The following LIMCH1 variants were observed in gnomAD, a reference collection of about 807,000 sequenced individuals.
LIMCH1 encodes the protein LIM and calponin homology domains-containing protein 1.
A neutral mutation model predicts 176.5 loss-of-function variants in LIMCH1; 113 were observed. The observed-to-expected ratio is 0.64, with a 90% CI of 0.55 to 0.75. The LOEUF (loss-of-function observed/expected upper bound fraction) is 0.75. LIMCH1 is among the 30% of genes least tolerant of loss of function. The pLI is 0.00. For missense variants in LIMCH1, 1,674 were observed against 1,814.9 expected (o/e 0.92, Z 1.41); for synonymous variants, 619 against 645.9 (o/e 0.96, Z 0.63).
At chr4:41,432,635 A>G (rs2061701997) in intron 1 of LIMCH1, among the ~76,000 whole-genome samples, 1 of 152,210 alleles carries the variant, frequency 6.6e-6, no homozygotes, top group Non-Finnish European at 1.5e-5. Context: ...CTTTGCCATC[A>G]ATTTTTCATT....
intron 1 of LIMCH1, among the ~76,000 whole-genome samples, chr4:41,384,849 T>C (rs2056272912): frequency 6.6e-6 from 1 of 152,016 alleles, no homozygotes; most frequent in African/African-American, 2.4e-5. Flanking sequence ...AGAAGTAGGG[T>C]TTCCCCTCAA....
Position 41,697,338 on chromosome 4 carries a change from C to A in LIMCH1, c.*153C>A. On this transcript the variant is annotated 3_prime_UTR_variant, in exon 32 of 32. Coordinates refer to ENST00000503057, the MANE Select transcript of LIMCH1 (RefSeq NM_001330672.2). Reference sequence around the variant, plus strand: ...AGGTGGTATCTGTTCTTTCGTAGCACAGTGTTTATGTTTTTCCTGTTTATT... The same window carrying A: ...AGGTGGTATCTGTTCTTTCGTAGCAAAGTGTTTATGTTTTTCCTGTTTATT... 3 of 626,218 alleles carry A rather than the reference C, an allele frequency of 4.8e-6. No individual in the cohort carries two copies. Among genetic ancestry groups the A allele is most frequent in the Non-Finnish European group, 5.7e-6 (2 of 353,488 alleles). The allele number at this position is 626,218 out of a possible 1,614,324, so 38.8% of individuals were successfully genotyped here. A position where few individuals can be genotyped will look rare whatever the true frequency, so the allele number is the denominator to read the frequency against.
intron 7 of LIMCH1, among the ~76,000 whole-genome samples, chr4:41,621,945 T>A (rs932054195): frequency 2.0e-5 from 3 of 151,960 alleles, no homozygotes; most frequent in African/African-American, 7.3e-5. Context: ...AGTGTTGAGT[T>A]ACATAAATTT....
At chr4:41,420,995 G>T (rs897139277) in intron 1 of LIMCH1, among the ~76,000 whole-genome samples, 1 of 152,212 alleles carries the variant, frequency 6.6e-6, no homozygotes, top group Non-Finnish European at 1.5e-5. Flanking sequence ...AGTTTGTATA[G>T]CGTGTACACC....
rs192567395 is a variant in LIMCH1, at chr4:41,697,205, G to A, written c.*20G>A. ...TTGTGACACGGCTTTCAAGCTTCCG[G>A]ATCACTCACCATTTCTTTACTGAGA... On this transcript the variant is annotated 3_prime_UTR_variant, in exon 32 of 32. Coordinates refer to ENST00000503057, the MANE Select transcript of LIMCH1 (RefSeq NM_001330672.2). 157 of 1,612,700 alleles carry A rather than the reference G, an allele frequency of 9.7e-5. No homozygotes were observed. In the African/African-American group the frequency reaches 1.9e-3, roughly 20 times the overall value.
chr4:41,620,666 T>C lies in LIMCH1; in HGVS notation c.701T>C (p.Met234Thr). 6 of 1,535,898 alleles carry C rather than the reference T, an allele frequency of 3.9e-6. No homozygotes were observed. The highest frequency in any genetic ancestry group is 4.4e-6 in the Non-Finnish European group (5 of 1,146,776). The part of the protein sequence containing the change: ...KRLEQAGIKV[M>T]PAAQRFASQK... ...CTAGAGCAAGCTGGAATCAAGGTCA[T>C]GCCAGCAGCACAGCGCTTTGCCAGG... The change falls in exon 7 of 32, where the codon ATG becomes ACG. Residue 234 changes from methionine (M) to threonine (T), a missense_variant. Transcript: ENST00000503057.
At chr4:41,539,409 C>T (rs1349211962) in intron 1 of LIMCH1, among the ~76,000 whole-genome samples, 1 of 152,148 alleles carries the variant, frequency 6.6e-6, no homozygotes, top group Non-Finnish European at 1.5e-5. Flanking sequence ...CAGCAGCCAG[C>T]CTTTGACTCA....
intron 21 of LIMCH1, 138 bp from the exon 22 acceptor site, chr4:41,671,416 A>G (rs2095025926): frequency 1.8e-6 from 1 of 559,202 alleles, no homozygotes; most frequent in Non-Finnish European, 3.2e-6. Flanking sequence ...ACACACACAC[A>G]CACACACACA....
At chr4:41,526,687 G>A (rs895758033) in intron 3 of LIMCH1, among the ~76,000 whole-genome samples, 12 of 152,074 alleles carry the variant, frequency 7.9e-5, no homozygotes, top group African/African-American at 2.7e-4. Context: ...TCCAGACCTC[G>A]TGTTCTGTCT....
chr4:41,540,548 G>A (rs550290407), intron 1 of LIMCH1, among the ~76,000 whole-genome samples: 93 of 152,276 alleles, frequency 6.1e-4, no homozygotes, highest in South Asian at 1.5e-3. Context: ...AGACCAGCCT[G>A]GCCAACGTGG....
chr4:41,444,674 A>G lies in LIMCH1; in HGVS notation c.97-49862A>G, dbSNP rs548169217. On this transcript the variant is annotated intron_variant, in intron 1 of 26. Coordinates refer to the LIMCH1 transcript ENST00000313860. ...AGCATAAGCCCTTGCCAAGTACAAC[A>G]ACATGAGGTTCCATCAGCCCTAAAG... Among the ~76,000 whole-genome samples the G allele has an allele frequency of 2.6e-5, 4 of 152,346 alleles. No individual in the cohort carries two copies. In the South Asian group the frequency reaches 8.3e-4, roughly 32 times the overall value.
In LIMCH1 at chr4:41,464,829, C is replaced by T. The variant is rs74945077; in HGVS notation, c.97-29707C>T. Reference sequence around the variant, plus strand: ...CCTCCACAAGCTTCCTCAAACCTTGCGCTTCTTGTGTGGAGCACAGAGTCT... The same window carrying T: ...CCTCCACAAGCTTCCTCAAACCTTGTGCTTCTTGTGTGGAGCACAGAGTCT... On this transcript the variant is annotated intron_variant, in intron 1 of 26. Coordinates refer to the LIMCH1 transcript ENST00000313860. 4.9e-3 allele frequency among the ~76,000 whole-genome samples: 742 copies of T among 152,320 alleles called. 5 individuals are homozygous for T. Among genetic ancestry groups the T allele is most frequent in the African/African-American group, 0.017 (715 of 41,576 alleles).
At chr4:41,380,176 G>A (rs1405330621) in intron 1 of LIMCH1, among the ~76,000 whole-genome samples, 3 of 152,100 alleles carry the variant, frequency 2.0e-5, no homozygotes, top group Non-Finnish European at 4.4e-5. Context: ...CTTCCACTCT[G>A]AAATCCCACC....
At chr4:41,427,257 G>T (rs1561336886) in intron 1 of LIMCH1, among the ~76,000 whole-genome samples, 2 of 151,878 alleles carry the variant, frequency 1.3e-5, no homozygotes, top group Non-Finnish European at 2.9e-5. Context: ...AACTGCATAG[G>T]GCCTGCCTGC....
At chr4:41,626,036 G>C (rs1219155804) in intron 7 of LIMCH1, among the ~76,000 whole-genome samples, 1 of 152,094 alleles carries the variant, frequency 6.6e-6, no homozygotes, top group African/African-American at 2.4e-5. Context: ...AGAAAAAGAA[G>C]AGAGGTGGAG....
At chr4:41,451,561 T>A (rs980026062) in intron 1 of LIMCH1, among the ~76,000 whole-genome samples, 2 of 152,230 alleles carry the variant, frequency 1.3e-5, no homozygotes, top group African/African-American at 4.8e-5. Flanking sequence ...CCTCTCTCCC[T>A]TCTCCCCCAT....
At chr4:41,410,759 G>T (rs1421836422) in intron 1 of LIMCH1, among the ~76,000 whole-genome samples, 3 of 152,158 alleles carry the variant, frequency 2.0e-5, no homozygotes, top group Non-Finnish European at 2.9e-5. Context: ...GCTACATGCT[G>T]GTTCATTAGC....
chr4:41,627,123 C>T, intron 8 of LIMCH1, 113 bp downstream of exon 8: 4 of 1,346,082 alleles, frequency 3.0e-6, no homozygotes, highest in Non-Finnish European at 2.0e-6. Flanking sequence ...CCCTCCAGTT[C>T]CTCTTTCCAG....
intron 3 of LIMCH1, 41 bp downstream of exon 3, chr4:41,603,946 A>AAATTT (rs754260659): frequency 9.0e-6 from 14 of 1,559,330 alleles, no homozygotes; most frequent in Non-Finnish European, 1.2e-5. Context: ...TTGATGGTTC[A>AAATTT]AGTGTAAAAT....
Sources: gnomAD v4.1 joint callset for allele counts (sites outside exome capture counted in the v4.1 genomes callset) on GRCh38, gnomAD v4.1.1 for gene constraint, MANE v1.5 for transcripts, NCBI Gene and HGNC (gene_info 2026-07-23, HGNC 2026-07-21) for gene names.